The following LRRC8E variants were observed in gnomAD, a reference collection of about 807,000 sequenced individuals.
The protein encoded by LRRC8E is volume-regulated anion channel subunit LRRC8E.
LRRC8E carries 6 observed loss-of-function variants against 6.1 expected under a neutral mutation model. The ratio of observed to expected loss-of-function variants is 0.98; its 90% CI spans 0.54 to 1.93. LRRC8E has a LOEUF of 1.93. Among genes scored for constraint, LRRC8E ranks in the 30% most tolerant of loss-of-function variants. The pLI, the probability that LRRC8E is intolerant of heterozygous loss-of-function variation, is 0.01. For missense variants in LRRC8E, 1,028 were observed against 1,031.4 expected (o/e 1.00, Z 0.04); for synonymous variants, 485 against 472.8 (o/e 1.03, Z -0.33).
rs2145119931 is a variant in LRRC8E at position 7,901,536 on chromosome 19, C to T, written c.*623C>T. Reference sequence around the variant, plus strand: ...CTGTTCCTAAATATTCCAGGTAGTTCTGGTGCAGGTAAGTGGCCCTGAGAC... The same window carrying T: ...CTGTTCCTAAATATTCCAGGTAGTTTTGGTGCAGGTAAGTGGCCCTGAGAC... On this transcript the variant is annotated 3_prime_UTR_variant, in exon 3 of 3. Transcript: ENST00000306708. 1 of 152,228 alleles carries T rather than the reference C, an allele frequency of 6.6e-6. No individual in the cohort carries two copies. Among genetic ancestry groups the T allele is most frequent in the South Asian group, 2.1e-4 (1 of 4,816 alleles). The allele number at this position is 152,228 out of a possible 1,614,324, so 9.4% of individuals were successfully genotyped here.
rs763754727 is a variant in LRRC8E, at chr19:7,900,013, C to T, written c.1491C>T (p.Arg497=). The T allele has an allele frequency of 2.1e-5, 33 of 1,609,622 alleles. No homozygotes were observed. The African/African-American group carries it at 2.1e-4, about 10-fold the overall frequency. ...KVMRVKCEEL[R]EVPLWVFGLR... Reference sequence around the variant, plus strand: ...TGCGCGTCAAATGCGAGGAGCTCCGCGAGGTGCCGCTTTGGGTGTTTGGGC... The same window carrying T: ...TGCGCGTCAAATGCGAGGAGCTCCGTGAGGTGCCGCTTTGGGTGTTTGGGC... Residue 497 remains arginine (R), a synonymous_variant, in exon 3 of 3, where the codon CGC becomes CGT. Coordinates refer to ENST00000306708, the MANE Select transcript of LRRC8E (RefSeq NM_025061.6). This position sits in a 1 kb window ranked among gnomAD's most constrained non-coding sequence, Gnocchi z 5.0.
Position 7,901,754 on chromosome 19 carries a change from G to A in LRRC8E, c.*841G>A, listed in dbSNP as rs1982035724. ...TAGGGTATCCAAATATCTAGATTCT[G>A]ATCCCTTTTGAGGTCCTAGACCCTT... On this transcript the variant is annotated 3_prime_UTR_variant, in exon 3 of 3. Coordinates refer to ENST00000306708, the MANE Select transcript of LRRC8E (RefSeq NM_025061.6). The A allele has an allele frequency of 6.6e-6, 1 of 151,288 alleles. No individual in the cohort carries two copies. Among genetic ancestry groups the A allele is most frequent in the Non-Finnish European group, 1.5e-5 (1 of 67,974 alleles). The allele number at this position is 151,288 out of a possible 1,614,324, so 9.4% of individuals were successfully genotyped here. A position where few individuals can be genotyped will look rare whatever the true frequency, so the allele number is the denominator to read the frequency against.
rs916991658 is a variant in LRRC8E, at chr19:7,895,916, C to A, written c.138+175C>A. Among the ~76,000 whole-genome samples, 9 of 152,154 alleles carry A rather than the reference C, an allele frequency of 5.9e-5. No homozygotes were observed. ...CTCCATAGCCAGGAGCACCGGAGTCCCCACATTGCTATGCCATTCCATATC... is the reference window on the plus strand; with the variant it reads ...CTCCATAGCCAGGAGCACCGGAGTCACCACATTGCTATGCCATTCCATATC... On this transcript the variant is annotated intron_variant, in intron 2 of 2. Coordinates refer to ENST00000306708, the MANE Select transcript of LRRC8E (RefSeq NM_025061.6). This position sits in a 1 kb window ranked among gnomAD's most constrained non-coding sequence, Gnocchi z 4.7.
chr19:7,891,629 C>T (rs1295225938), intron 1 of LRRC8E, among the ~76,000 whole-genome samples: 3 of 151,794 alleles, frequency 2.0e-5, no homozygotes, highest in Admixed American at 6.6e-5. Context: ...TTTTTTGAGA[C>T]GGAGTCTCGC....
At position 7,895,804 on chromosome 19, in the gene LRRC8E, G is replaced by T. The variant is rs557388308; in HGVS notation, c.138+63G>T. The T allele has an allele frequency of 1.3e-6, 2 of 1,582,598 alleles. No individual in the cohort carries two copies. Among genetic ancestry groups the T allele is most frequent in the East Asian group, 2.3e-5 (1 of 44,236 alleles). Reference sequence around the variant, plus strand: ...GGCGGGGCAGGTGTCTGGGGAAGTCGGGAAGCCTTCTCATCACCCAAGAAA... The same window carrying T: ...GGCGGGGCAGGTGTCTGGGGAAGTCTGGAAGCCTTCTCATCACCCAAGAAA... On this transcript the variant is annotated intron_variant, in intron 2 of 2. Coordinates refer to ENST00000306708, the MANE Select transcript of LRRC8E (RefSeq NM_025061.6). The surrounding 1 kb of genome is among the most constrained non-coding windows in gnomAD (Gnocchi z 4.7).
Position 7,900,742 on chromosome 19 carries a change from C to A in LRRC8E, c.2220C>A (p.His740Gln). The change falls in exon 3 of 3, where the codon CAC (histidine) becomes CAA (glutamine). Residue 740 changes from histidine (H) to glutamine (Q), a missense_variant. His to Gln is a conservative substitution (Grantham distance 24). Transcript: ENST00000306708. The surrounding 1 kb of genome is among the most constrained non-coding windows in gnomAD (Gnocchi z 5.0). The part of the protein sequence containing the change: ...GDNQLSQLSP[H>Q]VGALRALSRL... ...ACCAGCTGAGCCAGCTCTCGCCCCA[C>A]GTGGGTGCCCTCAGAGCCCTCAGCC... 2 of 1,612,654 alleles carry A rather than the reference C, an allele frequency of 1.2e-6. No individual in the cohort carries two copies. Among genetic ancestry groups the A allele is most frequent in the Non-Finnish European group, 1.7e-6 (2 of 1,179,606 alleles).
intron 1 of LRRC8E, among the ~76,000 whole-genome samples, chr19:7,889,084 G>A (rs1197380895): frequency 1.3e-5 from 2 of 152,042 alleles, no homozygotes; most frequent in African/African-American, 4.8e-5. Flanking sequence ...CGCAGGCCTG[G>A]GGCCTGACCC....
chr19:7,898,538 T>C (rs1981726810), intron 2 of LRRC8E, 123 bp from the exon 3 acceptor site: 4 of 819,036 alleles, frequency 4.9e-6, no homozygotes, highest in Non-Finnish European at 7.8e-6. Context: ...TTTGTATTTT[T>C]AGTAGAGACA....
In LRRC8E at chr19:7,899,204, G is replaced by T. The variant is rs746831009; in HGVS notation, c.682G>T (p.Gly228Cys). The T allele has an allele frequency of 6.2e-7, 1 of 1,614,068 alleles. No homozygotes were observed. Among genetic ancestry groups the T allele is most frequent in the East Asian group, 2.2e-5 (1 of 44,900 alleles). Reference sequence around the variant, plus strand: ...TGTCACCCTGTTGGACAAGAAGGAGGGTGAGCAAGCCAAAGCCCTGTTTGA... The same window carrying T: ...TGTCACCCTGTTGGACAAGAAGGAGTGTGAGCAAGCCAAAGCCCTGTTTGA... ...PVVTLLDKKE[G>C]EQAKALFEKV... The change falls in exon 3 of 3, where the codon GGT becomes TGT. Residue 228 changes from glycine to cysteine, a missense_variant. Transcript: ENST00000306708.
In LRRC8E at chr19:7,895,766, G is replaced by A. The variant is rs542181409; in HGVS notation, c.138+25G>A. The stretch of plus-strand genomic sequence containing the variant: ...GGTGAGGCCCTCCCCTGGCAAGGGG[G>A]TGTGACCAGAGGGGCGGGGCAGGTG... On this transcript the variant is annotated intron_variant, in intron 2 of 2. Transcript: ENST00000306708. The surrounding 1 kb of genome is among the most constrained non-coding windows in gnomAD (Gnocchi z 4.7). 6.9e-5 allele frequency: 111 copies of A among 1,607,542 alleles called. No individual in the cohort carries two copies. Among genetic ancestry groups the A allele is most frequent in the Non-Finnish European group, 8.7e-5 (102 of 1,174,746 alleles).
intron 1 of LRRC8E, among the ~76,000 whole-genome samples, chr19:7,889,985 T>C (rs974204402): frequency 1.3e-5 from 2 of 151,644 alleles, no homozygotes; most frequent in African/African-American, 4.8e-5. Context: ...GACCTCGTGA[T>C]CCACCTGCCT....
chr19:7,900,668 G>T lies in LRRC8E; in HGVS notation c.2146G>T (p.Glu716Ter). 1 of 1,613,422 alleles carries T rather than the reference G, an allele frequency of 6.2e-7. No individual in the cohort carries two copies. The highest frequency in any genetic ancestry group is 8.5e-7 in the Non-Finnish European group (1 of 1,180,034). Residue 716 changes from glutamate (E) to a stop codon, truncating the protein, a stop_gained, in exon 3 of 3, where the codon GAA (glutamate) becomes TAA (stop). Transcript: ENST00000306708. LOFTEE classifies it low-confidence loss of function (END_TRUNC). The surrounding 1 kb of genome is among the most constrained non-coding windows in gnomAD (Gnocchi z 5.0). ...CTACAATGCCCTGGAGGCCCTGCCCGAAGAGCTCTTCTTCTGCCGCAAGCT... is the reference window on the plus strand; with the variant it reads ...CTACAATGCCCTGGAGGCCCTGCCCTAAGAGCTCTTCTTCTGCCGCAAGCT... ...LSYNALEALP[E>*]ELFFCRKLRT...
At position 7,897,172 on chromosome 19, in the gene LRRC8E, C is replaced by CTATT. The variant is rs1555698105; in HGVS notation, c.138+1432_138+1433insATTT. ...ACATTCTCCCAGTATTTTTCTTTTT[C>CTATT]TTTTTCTTTTTTTTTTAGACAGAGT... is the stretch of plus-strand genomic sequence containing the variant. On this transcript the variant is annotated intron_variant, in intron 2 of 2. Transcript: ENST00000306708. Among the ~76,000 whole-genome samples the CTATT allele has an allele frequency of 7.5e-4, 111 of 147,446 alleles. 3 individuals are homozygous for CTATT. In the East Asian group the frequency reaches 0.019, roughly 26 times the overall value.
Position 7,899,947 on chromosome 19 carries a change from C to T in LRRC8E, c.1425C>T (p.Pro475=). 5 of 1,609,278 alleles carry T rather than the reference C, an allele frequency of 3.1e-6. No homozygotes were observed. The highest frequency in any genetic ancestry group is 4.2e-6 in the Non-Finnish European group (5 of 1,179,924). Reference sequence around the variant, plus strand: ...TGCTCCACTCGCCCGCCAGGCTACCCTTCTCCTTGCAGGTCTTCCTGCGGG... The same window carrying T: ...TGCTCCACTCGCCCGCCAGGCTACCTTTCTCCTTGCAGGTCTTCCTGCGGG... ...LSLLHSPARL[P]FSLQVFLRDH... is the part of the protein sequence containing the mutation. Residue 475 remains proline, a synonymous_variant, in exon 3 of 3, where the codon CCC becomes CCT. Transcript: ENST00000306708.
chr19:7,898,400 C>T (rs1325845138), intron 2 of LRRC8E, among the ~76,000 whole-genome samples: 1 of 152,002 alleles, frequency 6.6e-6, no homozygotes, highest in Non-Finnish European at 1.5e-5. Flanking sequence ...CACTCTGTCA[C>T]CCAGGCTGGA....
In LRRC8E at chr19:7,895,850, G is replaced by T; in HGVS notation, c.138+109G>T. On this transcript the variant is annotated intron_variant, in intron 2 of 2. Transcript: ENST00000306708. This position sits in a 1 kb window ranked among gnomAD's most constrained non-coding sequence, Gnocchi z 4.7. ...AGAAAGAGAGGAAACTGAAGACAGA[G>T]CCCCACTCAAAGGCCAATCCAGACC... 6.9e-7 allele frequency: 1 copy of T among 1,439,466 alleles called. No individual in the cohort carries two copies. The allele number at this position is 1,439,466 out of a possible 1,614,324, so 89.2% of individuals were successfully genotyped here. A position where few individuals can be genotyped will look rare whatever the true frequency, so the allele number is the denominator to read the frequency against.
chr19:7,895,640 C>G lies in LRRC8E; in HGVS notation c.37C>G (p.Gln13Glu). ...GGCCGAGTTCAAGCAGTTCACGGAA[C>G]AGCAGCCTGCGTTCAAGGTGCTCAA... ...PVAEFKQFTE[Q>E]QPAFKVLKPW... The change falls in exon 2 of 3, where the codon CAG becomes GAG. Residue 13 changes from glutamine to glutamate, a missense_variant. Coordinates refer to ENST00000306708, the MANE Select transcript of LRRC8E (RefSeq NM_025061.6). The surrounding 1 kb of genome is among the most constrained non-coding windows in gnomAD (Gnocchi z 4.7). The G allele has an allele frequency of 6.2e-7, 1 of 1,614,104 alleles. No individual in the cohort carries two copies. Among genetic ancestry groups the G allele is most frequent in the Non-Finnish European group, 8.5e-7 (1 of 1,179,966 alleles).
At position 7,899,549 on chromosome 19, in the gene LRRC8E, T is replaced by C. The variant is rs1981826476; in HGVS notation, c.1027T>C (p.Ser343Pro). 6.2e-7 allele frequency: 1 copy of C among 1,613,924 alleles called. No homozygotes were observed. Among genetic ancestry groups the C allele is most frequent in the East Asian group, 2.2e-5 (1 of 44,890 alleles). Reference sequence around the variant, plus strand: ...CTTCCACCGGCCCCTCAAGGAGTACTCCTTCCGTTCCGTGCGGGAGGAGAC... The same window carrying C: ...CTTCCACCGGCCCCTCAAGGAGTACCCCTTCCGTTCCGTGCGGGAGGAGAC... The part of the protein sequence containing the change: ...WLFHRPLKEY[S>P]FRSVREETGM... The change falls in exon 3 of 3, where the codon TCC becomes CCC. Residue 343 changes from serine (S) to proline (P), a missense_variant. By Grantham distance (74) the Ser-to-Pro change is moderately conservative (BLOSUM62 -1). Coordinates refer to ENST00000306708, the MANE Select transcript of LRRC8E (RefSeq NM_025061.6).
At chr19:7,889,688 A>G (rs114055093) in intron 1 of LRRC8E, among the ~76,000 whole-genome samples, 4,788 of 150,788 alleles carry the variant, frequency 0.032, 98 homozygotes, top group East Asian at 0.085. Flanking sequence ...GACTACTATG[A>G]GCTATGATCG....
Sources: gnomAD v4.1 joint callset for allele counts (sites outside exome capture counted in the v4.1 genomes callset) on GRCh38, gnomAD v4.1.1 for gene constraint, Gnocchi (gnomAD v3.1) non-coding constraint, MANE v1.5 for transcripts, NCBI Gene and HGNC (gene_info 2026-07-23, HGNC 2026-07-21) for gene names.